The following LETM1 variants were observed in gnomAD, a reference collection of about 807,000 sequenced individuals.
LETM1 encodes the protein mitochondrial proton/calcium exchanger protein.
In LETM1, 50 loss-of-function variants were observed where a neutral mutation model predicts 74.5. The ratio of observed to expected loss-of-function variants is 0.67; its 90% CI spans 0.53 to 0.85. The LOEUF (loss-of-function observed/expected upper bound fraction) is 0.85. Ranked by LOEUF, LETM1 falls within the 40% of genes least tolerant of loss-of-function variation. The pLI is 0.00. For synonymous variants in LETM1, 446 were observed against 407.1 expected (o/e 1.10, Z -1.15); for missense variants, 824 against 967.8 (o/e 0.85, Z 1.97).
Position 1,823,051 on chromosome 4 carries a change from C to T in LETM1, c.1413G>A (p.Gln471=), listed in dbSNP as rs2108838761. The T allele has an allele frequency of 6.2e-7, 1 of 1,610,084 alleles. No homozygotes were observed. Among genetic ancestry groups the T allele is most frequent in the South Asian group, 1.1e-5 (1 of 90,756 alleles). Residue 471 remains glutamine, a synonymous_variant, in exon 9 of 14, where the codon CAG becomes CAA. Coordinates refer to ENST00000302787, the MANE Select transcript of LETM1 (RefSeq NM_012318.3). The part of the protein sequence containing the change: ...DNKAKLEATL[Q]EEAAIQQEHR... ...GCTCCTGCTGGATGGCCGCCTCCTC[C>T]TGCAGCGTGGCCTCCAGCTTGGCCT...
At chr4:1,828,804 C>CG (rs1712132180) in intron 6 of LETM1, among the ~76,000 whole-genome samples, 3 of 116,790 alleles carry the variant, frequency 2.6e-5, no homozygotes, top group Admixed American at 8.5e-5. Context: ...GCTGGCCGGG[C>CG]AGGGGGGCTG....
At chr4:1,823,563 G>C in intron 8 of LETM1, 81 bp downstream of exon 8, 1 of 1,560,646 alleles carries the variant, frequency 6.4e-7, no homozygotes, top group Non-Finnish European at 8.8e-7. Flanking sequence ...GAATGAGTGC[G>C]CTTGCACACC....
chr4:1,837,805 C>T (rs964767608), intron 3 of LETM1, among the ~76,000 whole-genome samples: 3 of 150,000 alleles, frequency 2.0e-5, no homozygotes, highest in South Asian at 2.1e-4. Flanking sequence ...CTGGTTCAAG[C>T]GATTCTCCTG....
chr4:1,817,208 G>A (rs1333817323), intron 11 of LETM1, among the ~76,000 whole-genome samples: 3 of 130,170 alleles, frequency 2.3e-5, no homozygotes, highest in East Asian at 2.4e-4. Context: ...CCATGCCAAC[G>A]CACTCCAGCC....
chr4:1,841,883 C>T, intron 2 of LETM1, 86 bp from the exon 3 acceptor site: 1 of 945,140 alleles, frequency 1.1e-6, no homozygotes, highest in Non-Finnish European at 1.6e-6. Flanking sequence ...GCAGCAAAAC[C>T]CACATGCCCC....
intron 11 of LETM1, 138 bp downstream of exon 11, chr4:1,819,200 A>G (rs1711687366): frequency 3.6e-6 from 3 of 830,660 alleles, no homozygotes; most frequent in Middle Eastern, 3.8e-4. Flanking sequence ...AGGTTTATTT[A>G]TAACGTGCTT....
chr4:1,824,358 G>A (rs1003128027), intron 7 of LETM1, among the ~76,000 whole-genome samples: 1 of 152,144 alleles, frequency 6.6e-6, no homozygotes, highest in Non-Finnish European at 1.5e-5. Context: ...CAACATATAC[G>A]GGCCCGCAGA....
At chr4:1,840,290 T>A (rs1407523202) in intron 3 of LETM1, among the ~76,000 whole-genome samples, 2 of 152,108 alleles carry the variant, frequency 1.3e-5, no homozygotes, top group African/African-American at 4.8e-5. Context: ...GGCAGGAGAA[T>A]CACTTGAACC....
At chr4:1,828,583 G>A (rs1327352878) in intron 6 of LETM1, among the ~76,000 whole-genome samples, 19 of 119,722 alleles carry the variant, frequency 1.6e-4, no homozygotes, top group Admixed American at 3.1e-4. Context: ...CCTCCTGGAC[G>A]GGGCGGCTGG....
In LETM1 at chr4:1,823,054, CA is replaced by C; in HGVS notation, c.1409del (p.Leu470ArgfsTer32). 1 of 1,610,306 alleles carries C rather than the reference CA, an allele frequency of 6.2e-7. No homozygotes were observed. Among genetic ancestry groups the C allele is most frequent in the Non-Finnish European group, 8.5e-7 (1 of 1,177,980 alleles). ...VDNKAKLEAT[L>X]QEEAAIQQEH... ...CCTGCTGGATGGCCGCCTCCTCCTG[CA>C]GCGTGGCCTCCAGCTTGGCCTTGTT... On this transcript the variant is annotated frameshift_variant, in exon 9 of 14. Transcript: ENST00000302787. LOFTEE classifies it high-confidence loss of function.
chr4:1,840,638 A>AGCCT (rs1366109465), intron 3 of LETM1, among the ~76,000 whole-genome samples: 8 of 152,160 alleles, frequency 5.3e-5, no homozygotes, highest in Admixed American at 3.3e-4. Context: ...ACTGCACTCC[A>AGCCT]GCCTGGGCGA....
In LETM1 at chr4:1,834,700, G is replaced by GC. The variant is rs1055578811; in HGVS notation, c.876+144dup. 392 of 1,489,602 alleles carry GC rather than the reference G, an allele frequency of 2.6e-4. No individual in the cohort carries two copies. The highest frequency in any genetic ancestry group is 3.3e-4 in the Non-Finnish European group (371 of 1,123,272). 92.3% of individuals were successfully genotyped at this position (1,489,602 alleles called of 1,614,324 possible). A position where few individuals can be genotyped will look rare whatever the true frequency, so the allele number is the denominator to read the frequency against. On this transcript the variant is annotated intron_variant, in intron 5 of 13. Coordinates refer to ENST00000302787, the MANE Select transcript of LETM1 (RefSeq NM_012318.3). This position sits in a 1 kb window ranked among gnomAD's most constrained non-coding sequence, Gnocchi z 5.0. ...GGGGCAGACTCCTGACACTCCACTGGCCCCCGACTGAGCCTCCTGGGTAAA... is the reference window on the plus strand; with the variant it reads ...GGGGCAGACTCCTGACACTCCACTGGCCCCCCGACTGAGCCTCCTGGGTAAA...
chr4:1,835,017 C>T (rs753447518), intron 4 of LETM1, 35 bp from the exon 5 acceptor site: 2 of 1,600,824 alleles, frequency 1.2e-6, no homozygotes, highest in Non-Finnish European at 1.7e-6. Flanking sequence ...ATTCCAACTG[C>T]TCAGACTGTG....
At chr4:1,829,383 G>A in intron 6 of LETM1, among the ~76,000 whole-genome samples, 1 of 152,146 alleles carries the variant, frequency 6.6e-6, no homozygotes, top group South Asian at 2.1e-4. Context: ...GGGGCGGCTG[G>A]CCGGGCGGGG....
In LETM1 at chr4:1,849,028, CAAAG is replaced by C. The variant is rs539986725; in HGVS notation, c.143+117_143+120del. The C allele has an allele frequency of 4.1e-5, 29 of 704,768 alleles. No individual in the cohort carries two copies. In the South Asian group the frequency reaches 4.3e-4, roughly 10 times the overall value. The allele number at this position is 704,768 out of a possible 1,614,324, so 43.7% of individuals were successfully genotyped here. On this transcript the variant is annotated intron_variant, in intron 2 of 13. Transcript: ENST00000302787. ...TGGAAAGATAAAGGTTTAAAAGAAA[CAAAG>C]AACAGGAAAGTAGGATACACTGTTT...
Position 1,823,112 on chromosome 4 carries a change from T to C in LETM1, c.1352A>G (p.Lys451Arg). The C allele has an allele frequency of 6.2e-7, 1 of 1,601,572 alleles. No individual in the cohort carries two copies. The highest frequency in any genetic ancestry group is 8.5e-7 in the Non-Finnish European group (1 of 1,173,030). Residue 451 changes from lysine (K) to arginine (R), a missense_variant, in exon 9 of 14, where the codon AAA (lysine) becomes AGA (arginine). By Grantham distance (26) the Lys-to-Arg change is conservative (BLOSUM62 2). Around this residue, in one of 4 missense-constraint regions of LETM1, gnomAD observed 172 missense variants for 170.7 expected, o/e 1.01. Transcript: ENST00000302787. ...PEIVAKEAQV[K>R]VAEVEGEQVD... ...CTGCTCGCCCTCCACCTCGGCCACT[T>C]TCACCTGTGCTTCCTTTGCCTTCAG... is the stretch of plus-strand genomic sequence containing the variant.
chr4:1,853,228 G>A (rs563750474), intron 1 of LETM1, among the ~76,000 whole-genome samples: 30 of 151,968 alleles, frequency 2.0e-4, no homozygotes, highest in African/African-American at 4.6e-4. Flanking sequence ...GTCCCCAGGC[G>A]GCTCAGGCCA....
chr4:1,823,461 G>A (rs553122498), intron 8 of LETM1, among the ~76,000 whole-genome samples, 183 bp downstream of exon 8: 1 of 152,250 alleles, frequency 6.6e-6, no homozygotes, highest in East Asian at 1.9e-4. Flanking sequence ...GCAGGCAAGG[G>A]GCTGGTGAGG....
intron 3 of LETM1, among the ~76,000 whole-genome samples, chr4:1,839,599 G>A (rs907656019): frequency 6.6e-6 from 1 of 152,236 alleles, no homozygotes; most frequent in African/African-American, 2.4e-5. Context: ...TGGCTCTACT[G>A]CCCTTGTTAC....
Sources: allele counts gnomAD v4.1 joint callset (sites outside exome capture counted in the v4.1 genomes callset), GRCh38; gene constraint gnomAD v4.1.1; regional missense constraint gnomAD v4.1.1; non-coding constraint Gnocchi (gnomAD v3.1); transcripts MANE v1.5; gene names NCBI Gene and HGNC (gene_info 2026-07-23, HGNC 2026-07-21).